The following NTAQ1 variants were observed in gnomAD, a reference collection of about 807,000 sequenced individuals.
NTAQ1 encodes the protein N-terminal glutamine amidase 1, also known as protein N-terminal glutamine amidohydrolase.
A neutral mutation model predicts 28.2 loss-of-function variants in NTAQ1; 21 were observed. The observed-to-expected ratio is 0.74, with a 90% CI of 0.53 to 1.07. The LOEUF (loss-of-function observed/expected upper bound fraction) is 1.07, where lower values mean the gene tolerates loss of function less well. Among genes scored for constraint, NTAQ1 ranks in the 50% least tolerant of loss-of-function variants. The pLI is 0.00. For synonymous variants in NTAQ1, 105 were observed against 90.0 expected (o/e 1.17, Z -0.94); for missense variants, 264 against 256.6 (o/e 1.03, Z -0.20).
chr8:123,433,636 C>T (rs1306616597), intron 3 of NTAQ1, among the ~76,000 whole-genome samples: 5 of 151,948 alleles, frequency 3.3e-5, no homozygotes, highest in African/African-American at 1.2e-4. Context: ...TTAGTAGAGA[C>T]GGGGTCTCAC....
intron 6 of NTAQ1, among the ~76,000 whole-genome samples, chr8:123,459,800 CTT>C (rs35644112): frequency 6.7e-5 from 8 of 119,586 alleles, no homozygotes; most frequent in Non-Finnish European, 5.1e-5. Flanking sequence ...ATACATCATT[CTT>C]TTTTTTTTTT....
At chr8:123,434,342 T>C (rs774071721) in intron 3 of NTAQ1, among the ~76,000 whole-genome samples, 1 of 152,024 alleles carries the variant, frequency 6.6e-6, no homozygotes, top group Non-Finnish European at 1.5e-5. Context: ...AAAACTGATA[T>C]GGGACTGGGC....
intron 1 of NTAQ1, among the ~76,000 whole-genome samples, chr8:123,417,339 T>C (rs1031226767): frequency 1.3e-4 from 20 of 152,168 alleles, no homozygotes; most frequent in Non-Finnish European, 2.5e-4. Context: ...GAGTTTTTCA[T>C]ACAGCACTTG....
At chr8:123,421,383 C>CT (rs1201831405) in intron 1 of NTAQ1, among the ~76,000 whole-genome samples, 3 of 152,152 alleles carry the variant, frequency 2.0e-5, no homozygotes, top group East Asian at 1.9e-4. Context: ...CCTGGCCTGA[C>CT]TTTAAGAATA....
intron 1 of NTAQ1, among the ~76,000 whole-genome samples, chr8:123,422,914 G>A (rs533691117): frequency 6.6e-6 from 1 of 152,190 alleles, no homozygotes; most frequent in East Asian, 1.9e-4. Flanking sequence ...TTTCCCCATT[G>A]CTTGTTATTG....
At chr8:123,470,292 A>G (rs984328606), downstream of NTAQ1, among the ~76,000 whole-genome samples, 1 of 152,236 alleles carries the variant, frequency 6.6e-6, no homozygotes, top group African/African-American at 2.4e-5. Context: ...CATAAGGGAC[A>G]GTGAGATGCT....
rs1202192751 is a variant in NTAQ1 at position 123,436,578 on chromosome 8, TGAC to T, written c.361_363del (p.Asp121del). 1.9e-6 allele frequency: 3 copies of T among 1,613,840 alleles called. No homozygotes were observed. The highest frequency in any genetic ancestry group is 2.7e-5 in the African/African-American group (2 of 74,930). On this transcript the variant is annotated inframe_deletion, in exon 4 of 6. Transcript: ENST00000287387. Reference sequence around the variant, plus strand: ...TAGAAGATGCCTTTAAGTCTGATGATGACATTCACCCACAGTTTAGGAGGTGAG... The same window carrying T: ...TAGAAGATGCCTTTAAGTCTGATGATATTCACCCACAGTTTAGGAGGTGAG...
At chr8:123,451,917 T>C (rs370657289), downstream of NTAQ1, among the ~76,000 whole-genome samples, 2 of 152,230 alleles carry the variant, frequency 1.3e-5, no homozygotes, top group African/African-American at 4.8e-5. Context: ...TAGATGATCT[T>C]GTCCTTTTTC....
intron 1 of NTAQ1, among the ~76,000 whole-genome samples, chr8:123,423,320 TTC>T (rs957288710): frequency 3.6e-4 from 54 of 151,426 alleles, no homozygotes; most frequent in Admixed American, 1.7e-3. Context: ...CTCTTCTTTT[TTC>T]TTTCTTTGTC....
downstream of NTAQ1, among the ~76,000 whole-genome samples, chr8:123,449,974 T>TAAAA (rs371673968): frequency 5.3e-5 from 3 of 56,084 alleles, no homozygotes; most frequent in Non-Finnish European, 9.3e-5. Flanking sequence ...TATATATATA[T>TAAAA]GCTGGATAAA....
In NTAQ1 at chr8:123,428,022, T is replaced by A; in HGVS notation, c.182T>A (p.Met61Lys). 6.3e-7 allele frequency: 1 copy of A among 1,590,576 alleles called. No individual in the cohort carries two copies. The highest frequency in any genetic ancestry group is 8.6e-7 in the Non-Finnish European group (1 of 1,168,120). ...YAVFISNERK[M>K]IPIWKQQARP... Reference sequence around the variant, plus strand: ...GTCTTCATATCTAATGAGAGGAAGATGGTAAGTTGGTGAGTGATTGCAGAA... The same window carrying A: ...GTCTTCATATCTAATGAGAGGAAGAAGGTAAGTTGGTGAGTGATTGCAGAA... Residue 61 changes from methionine (M) to lysine (K), a missense_variant and splice_region_variant, in exon 2 of 6, where the codon ATG becomes AAG. Met to Lys is a moderately conservative substitution (Grantham distance 95, BLOSUM62 -1). Coordinates refer to ENST00000287387, the MANE Select transcript of NTAQ1 (RefSeq NM_018024.3).
the NTAQ1 span, among the ~76,000 whole-genome samples, chr8:123,475,105 G>A: frequency 1.3e-5 from 2 of 151,874 alleles, no homozygotes; most frequent in Admixed American, 6.6e-5. Flanking sequence ...TATCAATATG[G>A]GCTGATGAAT....
At chr8:123,434,788 A>G (rs1814603254) in intron 3 of NTAQ1, among the ~76,000 whole-genome samples, 1 of 152,252 alleles carries the variant, frequency 6.6e-6, no homozygotes, top group South Asian at 2.1e-4. Context: ...AGAGGTAGAG[A>G]AGGTTGCTGC....
At chr8:123,457,665 G>A (rs1462114245) in intron 6 of NTAQ1, among the ~76,000 whole-genome samples, 7 of 152,126 alleles carry the variant, frequency 4.6e-5, no homozygotes, top group South Asian at 2.1e-4. Flanking sequence ...CTAGGGTCAC[G>A]GGAGGGAGGG....
Position 123,438,620 on chromosome 8 carries a change from C to T in NTAQ1, c.508+1286C>T, listed in dbSNP as rs577546857. On this transcript the variant is annotated intron_variant, in intron 5 of 5. Transcript: ENST00000287387. Reference sequence around the variant, plus strand: ...CCGGGAGGCAGAGGTTGCAGTGAGCCGAGATCGCACCACTGCACTCCAGCC... The same window carrying T: ...CCGGGAGGCAGAGGTTGCAGTGAGCTGAGATCGCACCACTGCACTCCAGCC... 1.4e-4 allele frequency among the ~76,000 whole-genome samples: 21 copies of T among 148,004 alleles called. No individual in the cohort carries two copies. In the East Asian group the frequency reaches 3.2e-3, roughly 22 times the overall value.
intron 5 of NTAQ1, among the ~76,000 whole-genome samples, chr8:123,440,947 G>T (rs1815028086): frequency 6.6e-6 from 1 of 152,034 alleles, no homozygotes; most frequent in Admixed American, 6.6e-5. Context: ...GAAGTTCTGG[G>T]GATTATTAGA....
Position 123,441,567 on chromosome 8 carries a change from A to G in NTAQ1, c.*152A>G, listed in dbSNP as rs1025961436. 1.5e-5 allele frequency: 10 copies of G among 675,210 alleles called. No homozygotes were observed. Among genetic ancestry groups the G allele is most frequent in the Non-Finnish European group, 2.5e-5 (10 of 393,374 alleles). The allele number at this position is 675,210 out of a possible 1,614,324, so 41.8% of individuals were successfully genotyped here. A position where few individuals can be genotyped will look rare whatever the true frequency, so the allele number is the denominator to read the frequency against. On this transcript the variant is annotated 3_prime_UTR_variant, in exon 6 of 6. Transcript: ENST00000287387. Reference sequence around the variant, plus strand: ...AGTGGAAATCTGAGTGAATACAAATATAAATGAACAACATAAAAACTTTTG... The same window carrying G: ...AGTGGAAATCTGAGTGAATACAAATGTAAATGAACAACATAAAAACTTTTG...
In NTAQ1 at chr8:123,441,453, G is replaced by A. The variant is rs1401380885; in HGVS notation, c.*38G>A. On this transcript the variant is annotated 3_prime_UTR_variant, in exon 6 of 6. Transcript: ENST00000287387. ...GATGTGGAACTGTGGAGAAATTCTAGGACATGAACAAGCTATCCTTTCATC... is the reference window on the plus strand; with the variant it reads ...GATGTGGAACTGTGGAGAAATTCTAAGACATGAACAAGCTATCCTTTCATC... The A allele has an allele frequency of 4.0e-6, 6 of 1,505,854 alleles. No homozygotes were observed. The highest frequency in any genetic ancestry group is 5.5e-6 in the Non-Finnish European group (6 of 1,092,390). 93.3% of individuals were successfully genotyped at this position (1,505,854 alleles called of 1,614,324 possible). A position where few individuals can be genotyped will look rare whatever the true frequency, so the allele number is the denominator to read the frequency against.
downstream of NTAQ1, among the ~76,000 whole-genome samples, chr8:123,451,620 C>T (rs1055641997): frequency 3.3e-5 from 5 of 151,918 alleles, no homozygotes; most frequent in East Asian, 1.9e-4. Flanking sequence ...ATTACAGGCA[C>T]GAGCCACCAC....
Sources: gnomAD v4.1 joint callset for allele counts (sites outside exome capture counted in the v4.1 genomes callset) on GRCh38, gnomAD v4.1.1 for gene constraint, MANE v1.5 for transcripts, NCBI Gene and HGNC (gene_info 2026-07-23, HGNC 2026-07-21) for gene names.